Variants in ST3GAL5 observed in about 807,000 individuals in gnomAD.
The protein encoded by ST3GAL5 is lactosylceramide alpha-2,3-sialyltransferase.
Under a neutral mutation model 46.1 loss-of-function variants are expected in ST3GAL5, and 25 were observed. The ratio of observed to expected loss-of-function variants is 0.54; its 90% confidence interval spans 0.40 to 0.76. ST3GAL5 has a LOEUF of 0.76. Ranked by LOEUF, ST3GAL5 falls within the 30% of genes least tolerant of loss-of-function variation. ST3GAL5 has a pLI of 0.00. For missense variants in ST3GAL5, 431 were observed against 521.2 expected, an observed-to-expected ratio of 0.83 and a Z score of 1.69; for synonymous variants, 182 against 192.7, an observed-to-expected ratio of 0.94 and a Z score of 0.46.
At chr2:85,848,353 A>C in intron 3 of ST3GAL5, 149 bp from the exon 4 acceptor site, 2 of 1,565,964 alleles carry the variant, frequency 1.3e-6, no homozygotes, top group Admixed American at 1.9e-5. Flanking sequence ...TTTAGAGTTA[A>C]GTTTGGCTCA....
chr2:85,871,777 A>G (rs756621064), intron 1 of ST3GAL5, among the ~76,000 whole-genome samples: 3 of 152,148 alleles, frequency 2.0e-5, no homozygotes, highest in Non-Finnish European at 4.4e-5. Flanking sequence ...ACCTGGAACA[A>G]GAGGAGGGTA....
In ST3GAL5 at chr2:85,870,182, G is replaced by T. The variant is rs116216589; in HGVS notation, c.83-6697C>A. The T allele has an allele frequency of 3.9e-4, 185 of 470,508 alleles. 2 individuals are homozygous for T. Among genetic ancestry groups the T allele is most frequent in the African/African-American group, 3.2e-3 (161 of 50,160 alleles). The allele number at this position is 470,508 out of a possible 1,614,324, so 29.1% of individuals were successfully genotyped here. A position where few individuals can be genotyped will look rare whatever the true frequency, so the allele number is the denominator to read the frequency against. On this transcript the variant is annotated intron_variant, in intron 1 of 6. Transcript: ENST00000638572. ...TTTTTTACTTTTGAATTACACGTTT[G>T]TCTTGTCTCCCCCACTAGAATGCAG...
At chr2:85,886,647 C>G (rs181931355) in intron 1 of ST3GAL5, among the ~76,000 whole-genome samples, 3 of 152,246 alleles carry the variant, frequency 2.0e-5, no homozygotes, top group Admixed American at 2.0e-4. Flanking sequence ...TGCTCCCTTA[C>G]GCATTTCACT....
At chr2:85,844,126 T>C (rs1238345814) in intron 6 of ST3GAL5, among the ~76,000 whole-genome samples, 1 of 152,210 alleles carries the variant, frequency 6.6e-6, no homozygotes, top group Non-Finnish European at 1.5e-5. Context: ...TATGGAGTCC[T>C]GGAGTAAGAA....
chr2:85,870,456 T>C (rs910073843), intron 1 of ST3GAL5, among the ~76,000 whole-genome samples: 1 of 152,158 alleles, frequency 6.6e-6, no homozygotes, highest in Non-Finnish European at 1.5e-5. Context: ...TCCTAAGAGT[T>C]AGGATCCCCA....
chr2:85,878,558 C>CAAA (rs68025950), intron 1 of ST3GAL5, among the ~76,000 whole-genome samples: 3 of 151,858 alleles, frequency 2.0e-5, no homozygotes, highest in Non-Finnish European at 4.4e-5. Flanking sequence ...AGTATTGGGA[C>CAAA]AAAAGTCTCT....
At chr2:85,865,477 G>A (rs909270650) in intron 1 of ST3GAL5, among the ~76,000 whole-genome samples, 7 of 152,018 alleles carry the variant, frequency 4.6e-5, no homozygotes, top group Non-Finnish European at 8.8e-5. Context: ...AATAAGTGTT[G>A]AGGGCCTTAT....
At chr2:85,845,375 A>C (rs1682661899) in intron 5 of ST3GAL5, 1 of 152,334 alleles carries the variant, frequency 6.6e-6, no homozygotes, top group African/African-American at 2.4e-5. Context: ...ACCCTCAAAA[A>C]GGCTTATATC....
chr2:85,861,288 T>C lies in ST3GAL5; in HGVS notation c.211A>G (p.Thr71Ala), dbSNP rs755223491. Reference protein sequence around the residue: ...SLLLKDILKCTLLVFGVWILY... With the variant: ...SLLLKDILKCALLVFGVWILY... Reference sequence around the variant, plus strand: ...ATCCACACTCCAAACACAAGCAATGTACATCTGGAAAAAAATCAATTAGGT... The same window carrying C: ...ATCCACACTCCAAACACAAGCAATGCACATCTGGAAAAAAATCAATTAGGT... The change falls in exon 3 of 7, where the codon ACA becomes GCA. Residue 71 changes from threonine (T) to alanine (A), a missense_variant. Coordinates refer to ENST00000638572, the MANE Select transcript of ST3GAL5 (RefSeq NM_003896.4). The C allele has an allele frequency of 6.9e-6, 11 of 1,595,672 alleles. No individual in the cohort carries two copies. Among genetic ancestry groups the C allele is most frequent in the East Asian group, 2.2e-5 (1 of 44,764 alleles).
intron 1 of ST3GAL5, among the ~76,000 whole-genome samples, chr2:85,879,357 G>A (rs565253905): frequency 2.2e-4 from 33 of 152,268 alleles, no homozygotes; most frequent in African/African-American, 7.7e-4. Flanking sequence ...GAGGGGAGTC[G>A]CAGGGGAGAA....
At chr2:85,842,674 C>T (rs1370634626) in intron 6 of ST3GAL5, among the ~76,000 whole-genome samples, 1 of 152,032 alleles carries the variant, frequency 6.6e-6, no homozygotes, top group Non-Finnish European at 1.5e-5. Context: ...TAGACTTCCC[C>T]TCTGAAGAAG....
upstream of ST3GAL5, chr2:85,889,012 C>T: frequency 1.1e-6 from 1 of 871,052 alleles, no homozygotes; most frequent in Non-Finnish European, 1.5e-6. Context: ...CTCCCCCGCT[C>T]AGATGCGGAG....
rs542162588 is a variant in ST3GAL5 at position 85,838,298 on chromosome 2, A to G, written c.*1846T>C. The G allele has an allele frequency of 1.3e-5, 2 of 152,092 alleles. No individual in the cohort carries two copies. The highest frequency in any genetic ancestry group is 4.8e-5 in the African/African-American group (2 of 41,386). The allele number at this position is 152,092 out of a possible 1,614,324, so 9.4% of individuals were successfully genotyped here. On this transcript the variant is annotated 3_prime_UTR_variant, in exon 7 of 7. Transcript: ENST00000638572. Reference sequence around the variant, plus strand: ...ACCACACATCCCAGCAGCCTTGAGAAGCAGGTAGGCAAGTCTCCTCATACC... The same window carrying G: ...ACCACACATCCCAGCAGCCTTGAGAGGCAGGTAGGCAAGTCTCCTCATACC...
chr2:85,881,078 A>T (rs932381106), intron 1 of ST3GAL5, among the ~76,000 whole-genome samples: 2 of 152,160 alleles, frequency 1.3e-5, no homozygotes, highest in Admixed American at 6.5e-5. Flanking sequence ...TGCTATTCTC[A>T]TACTGAATAA....
At chr2:85,845,694 T>C (rs1218398981) in intron 5 of ST3GAL5, 1 of 139,936 alleles carries the variant, frequency 7.1e-6, no homozygotes, top group East Asian at 2.5e-4. Flanking sequence ...TGTATGGTAC[T>C]TTCCGATTTC....
chr2:85,840,466 A>T (rs1287029356), intron 6 of ST3GAL5, 74 bp from the exon 7 acceptor site: 1 of 1,532,156 alleles, frequency 6.5e-7, no homozygotes, highest in Admixed American at 1.8e-5. Flanking sequence ...GGTATTACAC[A>T]TGCTACGCAG....
rs1376431829 is a variant in ST3GAL5 at position 85,844,512 on chromosome 2, T to C, written c.892A>G (p.Lys298Glu). 2 of 1,614,204 alleles carry C rather than the reference T, an allele frequency of 1.2e-6. No individual in the cohort carries two copies. Among genetic ancestry groups the C allele is most frequent in the Non-Finnish European group, 1.7e-6 (2 of 1,180,040 alleles). Residue 298 changes from lysine (K) to glutamate (E), a missense_variant, in exon 6 of 7, where the codon AAA (lysine) becomes GAA (glutamate). Transcript: ENST00000638572. ...RLFFWKQVAE[K>E]IPLQPKHFRI... ...AAATGTTTTGGCTGCAGTGGGATTT[T>C]TTCTGCCACCTGCTTCCAAAAGAAG...
At chr2:85,866,316 G>A (rs1685282200) in intron 1 of ST3GAL5, 1 of 152,176 alleles carries the variant, frequency 6.6e-6, no homozygotes, top group Non-Finnish European at 1.5e-5. Flanking sequence ...CTCAACCCCA[G>A]TCAATCCCCA....
chr2:85,885,597 G>C (rs1256208297), intron 1 of ST3GAL5, among the ~76,000 whole-genome samples: 1 of 152,058 alleles, frequency 6.6e-6, no homozygotes, highest in East Asian at 1.9e-4. Context: ...GGGAGGCCGA[G>C]GTGGGCGGAT....
Sources: gnomAD v4.1 joint callset for allele counts (sites outside exome capture counted in the v4.1 genomes callset) on GRCh38, gnomAD v4.1.1 for gene constraint, MANE v1.5 for transcripts, NCBI Gene and HGNC (gene_info 2026-07-23, HGNC 2026-07-21) for gene names.